Variants in AP1B1 observed in about 807,000 individuals in gnomAD.
The protein encoded by AP1B1 is AP-1 complex subunit beta-1.
Under a neutral mutation model 104.3 loss-of-function variants are expected in AP1B1, and 36 were observed. The observed-to-expected ratio is 0.35, with a 90% confidence interval of 0.26 to 0.46. AP1B1 has a LOEUF of 0.46. Among genes scored for constraint, AP1B1 ranks in the 20% least tolerant of loss-of-function variants. The probability of loss-of-function intolerance (pLI) is 1.00; values close to 1 mark genes in which losing one functional copy is unlikely to be tolerated. For missense variants in AP1B1, 901 were observed against 1,247.9 expected (o/e 0.72, Z 4.19); for synonymous variants, 504 against 517.5 (o/e 0.97, Z 0.35).
chr22:29,364,580 A>C (rs758273766), intron 2 of AP1B1, among the ~76,000 whole-genome samples: 9 of 151,698 alleles, frequency 5.9e-5, no homozygotes, highest in Admixed American at 4.6e-4. Context: ...CATCACACCC[A>C]GCTAATTTTT....
chr22:29,360,562 C>A (rs2062029685), intron 3 of AP1B1, among the ~76,000 whole-genome samples: 1 of 152,216 alleles, frequency 6.6e-6, no homozygotes, highest in Non-Finnish European at 1.5e-5. Flanking sequence ...GCACAGCATG[C>A]ATGGAGCACA....
In AP1B1 at chr22:29,356,625, G is replaced by C. The variant is rs1337339575; in HGVS notation, c.526-9C>G. The C allele has an allele frequency of 1.9e-6, 3 of 1,613,116 alleles. No homozygotes were observed. Among genetic ancestry groups the C allele is most frequent in the Non-Finnish European group, 2.5e-6 (3 of 1,179,370 alleles). The stretch of plus-strand genomic sequence containing the variant: ...ACTGCATTGGCCACCACCTGGTTGA[G>C]AGGGTGGGAGGGGCAGAGGCTGGGG... On this transcript the variant is annotated splice_polypyrimidine_tract_variant and intron_variant, in intron 5 of 22. Transcript: ENST00000357586.
At chr22:29,366,361 G>C (rs1407632913) in intron 2 of AP1B1, among the ~76,000 whole-genome samples, 1 of 152,170 alleles carries the variant, frequency 6.6e-6, no homozygotes, top group Non-Finnish European at 1.5e-5. Flanking sequence ...TGCCTGACCG[G>C]CCGCGGTGGC....
At chr22:29,367,002 T>C (rs1275303562) in intron 2 of AP1B1, among the ~76,000 whole-genome samples, 1 of 152,182 alleles carries the variant, frequency 6.6e-6, no homozygotes. Context: ...GCTAATGTTC[T>C]TCCCTTTCTG....
At chr22:29,363,155 G>C (rs763576121) in intron 2 of AP1B1, 49 bp from the exon 3 acceptor site, 2 of 846,106 alleles carry the variant, frequency 2.4e-6, no homozygotes, top group African/African-American at 3.3e-5. Flanking sequence ...CCTGGCAGGG[G>C]ACAATTCCCA....
intron 4 of AP1B1, chr22:29,359,599 G>C (rs1461338588): frequency 2.1e-6 from 1 of 481,312 alleles, no homozygotes; most frequent in Non-Finnish European, 3.6e-6. Flanking sequence ...GGATCAACAG[G>C]CCTGGCAGGA....
At chr22:29,387,718 C>T (rs556169651) in intron 1 of AP1B1, among the ~76,000 whole-genome samples, 1 of 152,346 alleles carries the variant, frequency 6.6e-6, no homozygotes, top group African/African-American at 2.4e-5. Flanking sequence ...CTCTACTACC[C>T]GAATGACCTT....
At chr22:29,337,859 G>A (rs1037093613) in intron 16 of AP1B1, among the ~76,000 whole-genome samples, 1 of 152,196 alleles carries the variant, frequency 6.6e-6, no homozygotes, top group African/African-American at 2.4e-5. Flanking sequence ...AATCCCCCGG[G>A]GCCGGTGCTT....
intron 13 of AP1B1, 88 bp from the exon 14 acceptor site, chr22:29,340,945 G>A (rs2061705669): frequency 7.4e-7 from 1 of 1,353,646 alleles, no homozygotes; most frequent in African/African-American, 1.4e-5. Flanking sequence ...CTGTCCCCCA[G>A]GACAGGCACT....
chr22:29,341,789 A>T (rs769021221), intron 12 of AP1B1, 29 bp from the exon 13 acceptor site: 1 of 1,583,780 alleles, frequency 6.3e-7, no homozygotes, highest in Non-Finnish European at 8.6e-7. Flanking sequence ...AGCCCATGAA[A>T]CTCAGAGTAG....
chr22:29,341,600 T>C lies in AP1B1; in HGVS notation c.1697A>G (p.Tyr566Cys). ...EPTLLDELIC[Y>C]IGTLASVYHK... The stretch of plus-strand genomic sequence containing the variant: ...GTAGACGGAAGCCAGCGTGCCGATG[T>C]AGCAGATAAGCTCGTCTAACAGTGT... The change falls in exon 13 of 23, where the codon TAC becomes TGC. Residue 566 changes from tyrosine (Y) to cysteine (C), a missense_variant. Tyr to Cys is a radical substitution (Grantham distance 194). This residue lies in a region of AP1B1 where 471 missense variants were observed against 696.7 expected (regional missense o/e 0.68). Coordinates refer to ENST00000357586, the MANE Select transcript of AP1B1 (RefSeq NM_001127.4). 1 of 1,614,242 alleles carries C rather than the reference T, an allele frequency of 6.2e-7. No individual in the cohort carries two copies. Among genetic ancestry groups the C allele is most frequent in the Non-Finnish European group, 8.5e-7 (1 of 1,180,036 alleles).
At chr22:29,358,406 C>A (rs74823080) in intron 5 of AP1B1, among the ~76,000 whole-genome samples, 6 of 152,310 alleles carry the variant, frequency 3.9e-5, no homozygotes, top group Non-Finnish European at 7.4e-5. Flanking sequence ...TGCACCGTTA[C>A]CAGGCCATCC....
rs941598149 is a variant in AP1B1, at chr22:29,328,973, G to A, written c.2776-78C>T. ...TCAGGAAGGAAAGGGGTGGGGAAGA[G>A]AGCAGGAACCAATGGGACAGCGTGG... On this transcript the variant is annotated intron_variant, in intron 22 of 22. Coordinates refer to ENST00000357586, the MANE Select transcript of AP1B1 (RefSeq NM_001127.4). The surrounding 1 kb of genome is among the most constrained non-coding windows in gnomAD (Gnocchi z 4.1). 4 of 1,554,794 alleles carry A rather than the reference G, an allele frequency of 2.6e-6. No individual in the cohort carries two copies. The highest frequency in any genetic ancestry group is 3.9e-5 in the Admixed American group (2 of 51,082).
intron 1 of AP1B1, 148 bp from the exon 2 acceptor site, chr22:29,367,418 T>C (rs1870825156): frequency 4.0e-6 from 2 of 498,880 alleles, no homozygotes; most frequent in Non-Finnish European, 3.6e-6. Flanking sequence ...CTTTAGATCA[T>C]GGCAGATTAG....
At chr22:29,353,320 A>G (rs987510173) in intron 7 of AP1B1, among the ~76,000 whole-genome samples, 22 of 152,190 alleles carry the variant, frequency 1.4e-4, no homozygotes, top group African/African-American at 4.8e-4. Flanking sequence ...TGGGAGAGGC[A>G]AGACCCCGAG....
rs766804375 is a variant in AP1B1 at position 29,350,130 on chromosome 22, C to T, written c.1176G>A (p.Val392=). The change falls in exon 10 of 23, where the codon GTG becomes GTA. Residue 392 remains valine, a synonymous_variant. Transcript: ENST00000357586. ...IKVEQSAERC[V]STLLDLIQTK... ...TCTGGATGAGGTCGAGCAGCGTGCT[C>T]ACACAGCGCTCCGCAGATTGCTGCA... 8.1e-6 allele frequency: 13 copies of T among 1,614,152 alleles called. 1 individual carries two copies. The highest frequency in any genetic ancestry group is 5.5e-5 in the South Asian group (5 of 91,086).
At chr22:29,338,573 C>A (rs945274345) in intron 16 of AP1B1, among the ~76,000 whole-genome samples, 7 of 152,188 alleles carry the variant, frequency 4.6e-5, no homozygotes, top group Admixed American at 2.6e-4. Flanking sequence ...GTTACACAGC[C>A]CACCAATTGC....
chr22:29,381,660 TGA>T (rs1177662022), intron 1 of AP1B1, among the ~76,000 whole-genome samples: 2 of 152,162 alleles, frequency 1.3e-5, no homozygotes, highest in Non-Finnish European at 2.9e-5. Flanking sequence ...GAATAAATTA[TGA>T]GAGAGAGAAG....
intron 1 of AP1B1, among the ~76,000 whole-genome samples, chr22:29,381,489 T>C (rs1486414097): frequency 6.6e-6 from 1 of 152,168 alleles, no homozygotes; most frequent in African/African-American, 2.4e-5. Flanking sequence ...ATTTCATGTT[T>C]TGTAAACCAA....
Sources: allele counts gnomAD v4.1 joint callset (sites outside exome capture counted in the v4.1 genomes callset), GRCh38; gene constraint gnomAD v4.1.1; regional missense constraint gnomAD v4.1.1; non-coding constraint Gnocchi (gnomAD v3.1); transcripts MANE v1.5; gene names NCBI Gene and HGNC (gene_info 2026-07-23, HGNC 2026-07-21).